The following RAB11FIP3 variants were observed in gnomAD, a reference collection of about 807,000 sequenced individuals.
RAB11FIP3 encodes the protein RAB11 family interacting protein 3.
A neutral mutation model predicts 77.8 loss-of-function variants in RAB11FIP3; 17 were observed. That is an observed-to-expected ratio of 0.22 (90% CI 0.15 to 0.33). The LOEUF (loss-of-function observed/expected upper bound fraction) is 0.33. Ranked by LOEUF, RAB11FIP3 falls within the 10% of genes least tolerant of loss-of-function variation. The probability of loss-of-function intolerance (pLI) is 1.00; values close to 1 mark genes in which losing one functional copy is unlikely to be tolerated. For missense variants in RAB11FIP3, 1,005 were observed against 1,011.2 expected (o/e 0.99, Z 0.08); for synonymous variants, 437 against 448.2 (o/e 0.98, Z 0.31).
chr16:520,036 A>C, intron 11 of RAB11FIP3, 86 bp from the exon 12 acceptor site: 1 of 1,529,994 alleles, frequency 6.5e-7, no homozygotes, highest in Non-Finnish European at 8.8e-7. Flanking sequence ...CGGCCAGATC[A>C]ACCCTGAGGT....
At chr16:492,536 G>GCCCAGGGCCCT (rs1567392709) in intron 5 of RAB11FIP3, among the ~76,000 whole-genome samples, 11 of 145,808 alleles carry the variant, frequency 7.5e-5, no homozygotes, top group African/African-American at 9.9e-5. Context: ...ACCCGAGGCC[G>GCCCAGGGCCCT]TCCAGAATCT....
At chr16:492,419 G>GCCCTCCCGGGAGACCCGAGGCCGTCCAGA in intron 5 of RAB11FIP3, among the ~76,000 whole-genome samples, 1 of 70,612 alleles carries the variant, frequency 1.4e-5, no homozygotes, top group Admixed American at 1.4e-4. Flanking sequence ...GGCCGCCCAG[G>GCCCTCCCGGGAGACCCGAGGCCGTCCAGA]GCCCTCCCCG....
At chr16:518,748 C>A (rs9934705) in intron 9 of RAB11FIP3, among the ~76,000 whole-genome samples, 195 bp from the exon 10 acceptor site, 33,386 of 143,590 alleles carry the variant, frequency 0.23, 6,869 homozygotes, top group African/African-American at 0.59. Context: ...AAAAATAATA[C>A]TAAAACCTTC....
rs116751240 is a variant in RAB11FIP3 at position 506,412 on chromosome 16, A to T, written c.1499+785A>T. On this transcript the variant is annotated intron_variant, in intron 8 of 13. Coordinates refer to ENST00000262305, the MANE Select transcript of RAB11FIP3 (RefSeq NM_014700.4). This position sits in a 1 kb window ranked among gnomAD's most constrained non-coding sequence, Gnocchi z 4.5. ...CCTATGAGGCACCTGTGGGATCTGC[A>T]GAAGAGGTTCTTCCTGTGAGCTTCT... Among the ~76,000 whole-genome samples, 2,092 of 152,264 alleles carry T rather than the reference A, an allele frequency of 0.014. 45 individuals are homozygous for T. Among genetic ancestry groups the T allele is most frequent in the African/African-American group, 0.047 (1,956 of 41,536 alleles).
At chr16:476,202 C>T (rs899035957) in intron 3 of RAB11FIP3, among the ~76,000 whole-genome samples, 4 of 152,200 alleles carry the variant, frequency 2.6e-5, no homozygotes, top group Admixed American at 6.5e-5. Context: ...CAGAGCGGAG[C>T]GTGTGAGTTC....
intron 2 of RAB11FIP3, among the ~76,000 whole-genome samples, chr16:470,350 C>T (rs1361387661): frequency 1.3e-5 from 2 of 152,050 alleles, no homozygotes. Flanking sequence ...CCAGGCTGGT[C>T]TCAATCACCT....
intron 1 of RAB11FIP3, among the ~76,000 whole-genome samples, chr16:438,381 C>G (rs1349322145): frequency 6.8e-6 from 1 of 147,982 alleles, no homozygotes; most frequent in Non-Finnish European, 1.5e-5. Flanking sequence ...GCTGGGATTA[C>G]AGGCATGAGC....
rs567796867 is a variant in RAB11FIP3, at chr16:478,404, G to T, written c.904-4121G>T. Among the ~76,000 whole-genome samples the T allele has an allele frequency of 7.9e-5, 12 of 152,002 alleles. No homozygotes were observed. The East Asian group carries it at 2.3e-3, about 30-fold the overall frequency. ...GATGGGGTTTCACCATATTGGCTAG[G>T]CTGGTCTCGAACTCCTGACCTTGTG... On this transcript the variant is annotated intron_variant, in intron 3 of 13. Transcript: ENST00000262305.
At chr16:486,609 G>A (rs1481183930) in intron 4 of RAB11FIP3, among the ~76,000 whole-genome samples, 2 of 152,248 alleles carry the variant, frequency 1.3e-5, no homozygotes, top group African/African-American at 2.4e-5. Flanking sequence ...TGGAAAGCAC[G>A]TTGGGCGTCT....
chr16:434,768 G>C (rs1205623976), intron 1 of RAB11FIP3, among the ~76,000 whole-genome samples: 3 of 152,030 alleles, frequency 2.0e-5, no homozygotes, highest in African/African-American at 7.2e-5. Flanking sequence ...GGAAGATTCA[G>C]AATTGTTAAG....
At chr16:485,192 C>T (rs926800230) in intron 4 of RAB11FIP3, among the ~76,000 whole-genome samples, 3 of 152,092 alleles carry the variant, frequency 2.0e-5, no homozygotes, top group African/African-American at 7.2e-5. Context: ...GCCAAAGGCA[C>T]GTGGGTCAGT....
At chr16:442,969 C>T (rs111708377) in intron 1 of RAB11FIP3, among the ~76,000 whole-genome samples, 45 of 152,084 alleles carry the variant, frequency 3.0e-4, no homozygotes, top group Admixed American at 7.2e-4. Context: ...ACAAGGCTGA[C>T]GTTTTTGCTG....
chr16:449,646 C>CAAA (rs34916740), intron 1 of RAB11FIP3, among the ~76,000 whole-genome samples: 14 of 121,582 alleles, frequency 1.2e-4, no homozygotes, highest in African/African-American at 2.6e-4. Flanking sequence ...GACCCTATCT[C>CAAA]AAAAAAAAAA....
At chr16:515,655 A>G (rs1039219125) in intron 9 of RAB11FIP3, among the ~76,000 whole-genome samples, 1 of 150,464 alleles carries the variant, frequency 6.6e-6, no homozygotes, top group Admixed American at 6.6e-5. Flanking sequence ...GGCGACACAC[A>G]CCGGTGTTTG....
At chr16:468,951 G>T (rs1273430949) in intron 2 of RAB11FIP3, among the ~76,000 whole-genome samples, 2 of 152,126 alleles carry the variant, frequency 1.3e-5, no homozygotes, top group African/African-American at 2.4e-5. Flanking sequence ...GCTGTCATGC[G>T]CTGTGTCCAA....
chr16:451,915 C>T (rs774128818), intron 1 of RAB11FIP3, among the ~76,000 whole-genome samples: 3 of 151,612 alleles, frequency 2.0e-5, no homozygotes, highest in South Asian at 4.2e-4. Context: ...TTTGGGAGGC[C>T]GAGGCGGTGG....
rs754497475 is a variant in RAB11FIP3 at position 426,736 on chromosome 16, G to A, written c.714+16G>A. 3.4e-6 allele frequency: 5 copies of A among 1,467,936 alleles called. No individual in the cohort carries two copies. The highest frequency in any genetic ancestry group is 4.5e-6 in the Non-Finnish European group (5 of 1,108,880). 90.9% of individuals were successfully genotyped at this position (1,467,936 alleles called of 1,614,324 possible). A position where few individuals can be genotyped will look rare whatever the true frequency, so the allele number is the denominator to read the frequency against. On this transcript the variant is annotated intron_variant, in intron 1 of 13. Transcript: ENST00000262305. The surrounding 1 kb of genome is among the most constrained non-coding windows in gnomAD (Gnocchi z 5.0). ...GGCAGAGCAGGTACGGAGCGGCCCG[G>A]GCCGGGGCGTGGGAACTGGGCAGGT...
intron 1 of RAB11FIP3, among the ~76,000 whole-genome samples, chr16:442,590 C>T (rs759539060): frequency 2.6e-5 from 4 of 152,112 alleles, no homozygotes; most frequent in Non-Finnish European, 5.9e-5. Flanking sequence ...CCAGGGTGGT[C>T]AGGCAGGGGT....
intron 5 of RAB11FIP3, among the ~76,000 whole-genome samples, chr16:493,226 G>T (rs2030749567): frequency 6.8e-6 from 1 of 147,672 alleles, no homozygotes; most frequent in Non-Finnish European, 1.5e-5. Context: ...ACTCCAGCCT[G>T]GGCAACAGAG....
Sources: allele counts gnomAD v4.1 joint callset (sites outside exome capture counted in the v4.1 genomes callset), GRCh38; gene constraint gnomAD v4.1.1; non-coding constraint Gnocchi (gnomAD v3.1); transcripts MANE v1.5; gene names NCBI Gene and HGNC (gene_info 2026-07-23, HGNC 2026-07-21).